Variants in RIMS1 observed in about 807,000 individuals in gnomAD.
RIMS1 encodes the protein regulating synaptic membrane exocytosis protein 1.
Under a neutral mutation model 214.1 loss-of-function variants are expected in RIMS1, and 83 were observed. That is an observed-to-expected ratio of 0.39 (90% CI 0.32 to 0.47). The LOEUF (loss-of-function observed/expected upper bound fraction) is 0.47, where lower values mean the gene tolerates loss of function less well. RIMS1 is among the 20% of genes least tolerant of loss of function. The pLI is 0.99. For missense variants in RIMS1, 2,050 were observed against 2,161.8 expected (o/e 0.95, Z 1.03); for synonymous variants, 793 against 786.8 (o/e 1.01, Z -0.13).
At chr6:72,337,829 G>T (rs1330029124) in intron 29 of RIMS1, among the ~76,000 whole-genome samples, 1 of 146,782 alleles carries the variant, frequency 6.8e-6, no homozygotes, top group Non-Finnish European at 1.5e-5. Flanking sequence ...CTATGAGTGA[G>T]AACATGCAGT....
chr6:72,085,422 T>A (rs757729362), intron 2 of RIMS1, among the ~76,000 whole-genome samples: 9 of 152,194 alleles, frequency 5.9e-5, no homozygotes, highest in Non-Finnish European at 1.0e-4. Context: ...CACAAAATTG[T>A]AAGTTTTAAA....
intron 1 of RIMS1, among the ~76,000 whole-genome samples, chr6:71,961,588 T>G (rs892233585): frequency 2.0e-5 from 3 of 152,080 alleles, no homozygotes; most frequent in Non-Finnish European, 4.4e-5. Flanking sequence ...TTCAGCCCAC[T>G]GCAGTTCCAC....
intron 1 of RIMS1, among the ~76,000 whole-genome samples, chr6:71,964,793 A>C (rs576016532): frequency 6.6e-6 from 1 of 152,312 alleles, no homozygotes; most frequent in African/African-American, 2.4e-5. Flanking sequence ...TTAAGAAGAA[A>C]GAATCAGGTA....
At chr6:71,984,627 A>T (rs1799377358) in intron 2 of RIMS1, among the ~76,000 whole-genome samples, 1 of 152,184 alleles carries the variant, frequency 6.6e-6, no homozygotes, top group African/African-American at 2.4e-5. Context: ...TGGAGCTATT[A>T]CTCAGACGTC....
chr6:72,132,477 T>C (rs2040596511), intron 4 of RIMS1, among the ~76,000 whole-genome samples: 1 of 152,198 alleles, frequency 6.6e-6, no homozygotes, highest in Admixed American at 6.5e-5. Flanking sequence ...CTAATATTTA[T>C]TGGGTACATA....
chr6:72,245,781 T>C, intron 10 of RIMS1, 34 bp from the exon 11 acceptor site: 1 of 1,568,986 alleles, frequency 6.4e-7, no homozygotes, highest in Non-Finnish European at 8.8e-7. Context: ...GTCATTTAAC[T>C]AATGGGATTT....
intron 8 of RIMS1, 144 bp downstream of exon 8, chr6:72,235,872 A>G: frequency 2.7e-6 from 1 of 376,556 alleles, no homozygotes; most frequent in East Asian, 3.9e-5. Flanking sequence ...TGTTAGGAAA[A>G]TTGAATAAAA....
intron 6 of RIMS1, among the ~76,000 whole-genome samples, chr6:72,196,275 C>A (rs1346854611): frequency 6.6e-6 from 1 of 151,936 alleles, no homozygotes; most frequent in African/African-American, 2.4e-5. Flanking sequence ...CTAAAAAGAA[C>A]CTACTGCATT....
At chr6:71,944,699 T>C (rs1461717522) in intron 1 of RIMS1, among the ~76,000 whole-genome samples, 1 of 152,184 alleles carries the variant, frequency 6.6e-6, no homozygotes, top group Admixed American at 6.5e-5. Context: ...ATAAAATCCA[T>C]TTGTAACATT....
chr6:72,338,715 C>G (rs116113934), intron 29 of RIMS1, among the ~76,000 whole-genome samples: 1 of 151,554 alleles, frequency 6.6e-6, no homozygotes. Context: ...ACAAGACATA[C>G]TATTCCCATT....
intron 6 of RIMS1, among the ~76,000 whole-genome samples, chr6:72,207,747 C>T (rs1462157582): frequency 2.6e-5 from 4 of 151,992 alleles, no homozygotes; most frequent in African/African-American, 7.3e-5. Flanking sequence ...GGAAATTAAA[C>T]GTAGGCAAAA....
chr6:72,182,293 C>A lies in RIMS1; in HGVS notation c.822C>A (p.Thr274=). 1 of 1,592,370 alleles carries A rather than the reference C, an allele frequency of 6.3e-7. No individual in the cohort carries two copies. Among genetic ancestry groups the A allele is most frequent in the Non-Finnish European group, 8.5e-7 (1 of 1,170,916 alleles). The change falls in exon 6 of 34, where the codon ACC becomes ACA. Residue 274 remains threonine, a synonymous_variant. Coordinates refer to ENST00000521978, the MANE Select transcript of RIMS1 (RefSeq NM_014989.7). ...RSEPPRERKK[T]PGLSEQNGKG... ...CCTTTGTATATCATAGAAAGAAGAC[C>A]CCAGGGCTTTCCGAGCAGAATGGCA...
intron 1 of RIMS1, among the ~76,000 whole-genome samples, chr6:71,920,763 A>T (rs377764079): frequency 1.5e-4 from 23 of 152,340 alleles, no homozygotes; most frequent in African/African-American, 4.1e-4. Flanking sequence ...TTACACAACA[A>T]AATGAACTGC....
chr6:72,001,404 T>G (rs1048993644), intron 2 of RIMS1, among the ~76,000 whole-genome samples: 3 of 152,196 alleles, frequency 2.0e-5, no homozygotes, highest in Admixed American at 6.6e-5. Context: ...AATTGGCATT[T>G]TGTTCTCTAT....
At position 71,995,634 on chromosome 6, in the gene RIMS1, T is replaced by C. The variant is rs148866999; in HGVS notation, c.245+26571T>C. ...AGTGGCTTAGACAACATAAATATACTTTCTGGAAGTCCAACATCAGTTTCT... is the reference window on the plus strand; with the variant it reads ...AGTGGCTTAGACAACATAAATATACCTTCTGGAAGTCCAACATCAGTTTCT... On this transcript the variant is annotated intron_variant, in intron 2 of 33. Transcript: ENST00000521978. Among the ~76,000 whole-genome samples the C allele has an allele frequency of 6.6e-3, 1,005 of 152,212 alleles. 7 individuals are homozygous for C. The highest frequency in any genetic ancestry group is 9.6e-3 in the Non-Finnish European group (656 of 68,006).
chr6:71,902,445 A>G (rs1273708181), intron 1 of RIMS1, among the ~76,000 whole-genome samples: 3 of 152,100 alleles, frequency 2.0e-5, no homozygotes, highest in Admixed American at 1.3e-4. Flanking sequence ...CATGAGACAC[A>G]AAAAGAAGAG....
chr6:72,145,458 A>G (rs1337791753), intron 4 of RIMS1, among the ~76,000 whole-genome samples: 1 of 152,102 alleles, frequency 6.6e-6, no homozygotes, highest in Non-Finnish European at 1.5e-5. Context: ...CTAAAAATAC[A>G]AAAATTAGCT....
At chr6:72,230,210 C>T (rs1221845885) in intron 6 of RIMS1, among the ~76,000 whole-genome samples, 2 of 151,818 alleles carry the variant, frequency 1.3e-5, no homozygotes, top group East Asian at 3.9e-4. Context: ...TTTGAAATTG[C>T]TATTCATTGC....
chr6:72,024,172 G>T (rs1815619088), intron 2 of RIMS1, among the ~76,000 whole-genome samples: 1 of 151,994 alleles, frequency 6.6e-6, no homozygotes, highest in East Asian at 1.9e-4. Context: ...CTCTCTTTCT[G>T]CCTACTGGTT....
Sources: gnomAD v4.1 joint callset for allele counts (sites outside exome capture counted in the v4.1 genomes callset) on GRCh38, gnomAD v4.1.1 for gene constraint, MANE v1.5 for transcripts, NCBI Gene and HGNC (gene_info 2026-07-23, HGNC 2026-07-21) for gene names.